The following PLEKHG1 variants were observed in gnomAD, a reference collection of about 807,000 sequenced individuals.
PLEKHG1 encodes pleckstrin homology domain-containing family G member 1.
PLEKHG1 carries 44 observed loss-of-function variants against 100.8 expected under a neutral mutation model. That is an observed-to-expected ratio of 0.44 (90% confidence interval 0.34 to 0.56). PLEKHG1 has a LOEUF of 0.56. Among genes scored for constraint, PLEKHG1 ranks in the 20% least tolerant of loss-of-function variants. The pLI, the probability that PLEKHG1 is intolerant of heterozygous loss-of-function variation, is 0.01. For synonymous variants in PLEKHG1, 640 were observed against 662.5 expected, an observed-to-expected ratio of 0.97 and a Z score of 0.52; for missense variants, 1,545 against 1,720.9, an observed-to-expected ratio of 0.90 and a Z score of 1.81.
At chr6:150,804,007 T>C (rs10046301) in intron 6 of PLEKHG1, among the ~76,000 whole-genome samples, 28,938 of 149,186 alleles carry the variant, frequency 0.19, 4,312 homozygotes, top group African/African-American at 0.4. Flanking sequence ...GGGCTACATG[T>C]ATGTTGTATT....
chr6:150,702,385 G>A (rs556529324), intron 3 of PLEKHG1, among the ~76,000 whole-genome samples: 4 of 152,140 alleles, frequency 2.6e-5, no homozygotes, highest in South Asian at 2.1e-4. Context: ...CAGGAGAATC[G>A]CTTGAACCCC....
intron 3 of PLEKHG1, among the ~76,000 whole-genome samples, chr6:150,693,499 T>C (rs964467901): frequency 6.6e-6 from 1 of 152,168 alleles, no homozygotes; most frequent in Admixed American, 6.5e-5. Context: ...CTTGGAATAA[T>C]CTCTGAATTC....
At chr6:150,830,471 G>T (rs1041086989) in intron 14 of PLEKHG1, 111 bp from the exon 16 acceptor site, 3 of 751,230 alleles carry the variant, frequency 4.0e-6, no homozygotes, top group Non-Finnish European at 6.4e-6. Context: ...AAAAATAAAA[G>T]AATATTAAAG....
chr6:150,706,943 G>C (rs1446799707), intron 3 of PLEKHG1, among the ~76,000 whole-genome samples: 1 of 142,564 alleles, frequency 7.0e-6, no homozygotes, highest in East Asian at 2.1e-4. Flanking sequence ...TGGGAAGATT[G>C]GTCTTCTAGC....
upstream of PLEKHG1, among the ~76,000 whole-genome samples, chr6:150,720,648 G>T (rs74413869): frequency 6.9e-3 from 1,026 of 148,904 alleles, 9 homozygotes; most frequent in African/African-American, 0.024. Flanking sequence ...TAAAACTTCA[G>T]TTTAAAGATG....
intron 3 of PLEKHG1, among the ~76,000 whole-genome samples, chr6:150,702,736 C>T (rs1404752454): frequency 6.6e-6 from 1 of 151,986 alleles, no homozygotes; most frequent in African/African-American, 2.4e-5. Flanking sequence ...AATAATAACC[C>T]CGAAGATAAC....
intron 1 of PLEKHG1, among the ~76,000 whole-genome samples, chr6:150,722,072 G>A (rs866462683): frequency 2.0e-5 from 3 of 152,004 alleles, no homozygotes; most frequent in South Asian, 2.1e-4. Context: ...CAGTAAAACC[G>A]ATGTTAACAT....
At chr6:150,665,736 G>A (rs528842879) in intron 3 of PLEKHG1, among the ~76,000 whole-genome samples, 1 of 151,696 alleles carries the variant, frequency 6.6e-6, no homozygotes, top group East Asian at 1.9e-4. Context: ...ACAGGTTCTT[G>A]GGGAAATGCT....
At chr6:150,698,745 G>A (rs1046203941) in intron 3 of PLEKHG1, among the ~76,000 whole-genome samples, 1 of 152,108 alleles carries the variant, frequency 6.6e-6, no homozygotes, top group South Asian at 2.1e-4. Context: ...GGGTTAGGTG[G>A]GTTTAGAATC....
At chr6:150,614,156 A>G (rs1222717753) in intron 1 of PLEKHG1, among the ~76,000 whole-genome samples, 1 of 152,322 alleles carries the variant, frequency 6.6e-6, no homozygotes, top group East Asian at 1.9e-4. Context: ...TTGACTCACA[A>G]TGTGGCAGAG....
intron 14 of PLEKHG1, among the ~76,000 whole-genome samples, chr6:150,824,893 T>C (rs978119055): frequency 1.3e-5 from 2 of 152,106 alleles, no homozygotes; most frequent in South Asian, 4.1e-4. Context: ...TTTCAGGTAG[T>C]ACATGCTTTT....
chr6:150,691,099 C>T (rs1021899692), intron 3 of PLEKHG1, among the ~76,000 whole-genome samples: 1 of 152,206 alleles, frequency 6.6e-6, no homozygotes, highest in Non-Finnish European at 1.5e-5. Flanking sequence ...ACCTGAAATA[C>T]TAATATTTAT....
intron 3 of PLEKHG1, among the ~76,000 whole-genome samples, chr6:150,652,622 A>C (rs1778796325): frequency 6.6e-6 from 1 of 151,736 alleles, no homozygotes; most frequent in Non-Finnish European, 1.5e-5. Context: ...TGGGAGGCTG[A>C]GGCAGGAGAA....
chr6:150,635,087 C>G (rs142024225), intron 1 of PLEKHG1, among the ~76,000 whole-genome samples: 4 of 152,162 alleles, frequency 2.6e-5, no homozygotes, highest in Non-Finnish European at 4.4e-5. Context: ...AAATGAGGGA[C>G]AGATATGGTT....
At chr6:150,698,269 T>G (rs947676335) in intron 3 of PLEKHG1, among the ~76,000 whole-genome samples, 2 of 152,192 alleles carry the variant, frequency 1.3e-5, no homozygotes, top group African/African-American at 4.8e-5. Flanking sequence ...TTCCTATGTG[T>G]GCAGTTACCC....
At chr6:150,688,725 G>A (rs1377600106) in intron 3 of PLEKHG1, among the ~76,000 whole-genome samples, 1 of 152,074 alleles carries the variant, frequency 6.6e-6, no homozygotes, top group East Asian at 1.9e-4. Flanking sequence ...AGGTAACAAA[G>A]TAAAAACATA....
chr6:150,627,836 T>C (rs768742047), intron 1 of PLEKHG1, among the ~76,000 whole-genome samples: 3 of 152,040 alleles, frequency 2.0e-5, no homozygotes, highest in Non-Finnish European at 4.4e-5. Context: ...AGTGGAAGAG[T>C]TTATTGCCAT....
At chr6:150,697,638 T>A (rs1021729037) in intron 3 of PLEKHG1, among the ~76,000 whole-genome samples, 3 of 152,340 alleles carry the variant, frequency 2.0e-5, no homozygotes, top group African/African-American at 7.2e-5. Flanking sequence ...AGCAGGGGCA[T>A]CAGCTTTTTG....
At chr6:150,713,046 A>G (rs952776467) in intron 3 of PLEKHG1, among the ~76,000 whole-genome samples, 2 of 152,214 alleles carry the variant, frequency 1.3e-5, no homozygotes, top group African/African-American at 4.8e-5. Context: ...CTTAAAGCCC[A>G]TGTCCATTCA....
Sources: gnomAD v4.1 joint callset for allele counts (sites outside exome capture counted in the v4.1 genomes callset) on GRCh38, gnomAD v4.1.1 for gene constraint, MANE v1.5 for transcripts, NCBI Gene and HGNC (gene_info 2026-07-23, HGNC 2026-07-21) for gene names.